PATJ: variants seen among roughly 807,000 people sequenced by gnomAD.
PATJ encodes PATJ crumbs cell polarity complex component, also known as inaD-like protein.
Under a neutral mutation model 224.9 loss-of-function variants are expected in PATJ, and 190 were observed. That is an observed-to-expected ratio of 0.84 (90% confidence interval 0.75 to 0.95). The LOEUF is 0.95. PATJ is among the 40% of genes least tolerant of loss of function. The probability of loss-of-function intolerance (pLI) is 0.00; values close to 1 mark genes in which losing one functional copy is unlikely to be tolerated. For synonymous variants in PATJ, 769 were observed against 820.3 expected (o/e 0.94, Z 1.07); for missense variants, 2,121 against 2,270.3 (o/e 0.93, Z 1.34).
intron 22 of PATJ, among the ~76,000 whole-genome samples, chr1:61,896,479 G>C (rs544090571): frequency 3.7e-4 from 56 of 152,202 alleles, no homozygotes; most frequent in Non-Finnish European, 6.6e-4. Flanking sequence ...CAGGCTTCTA[G>C]GTGGAAAGGA....
intron 43 of PATJ, among the ~76,000 whole-genome samples, chr1:62,159,785 C>T (rs1474328348): frequency 6.6e-6 from 1 of 152,050 alleles, no homozygotes; most frequent in African/African-American, 2.4e-5. Flanking sequence ...CTCAAGCAAT[C>T]CTCTCGCCTG....
At chr1:61,760,424 A>G (rs1171332100) in intron 1 of PATJ, among the ~76,000 whole-genome samples, 1 of 152,206 alleles carries the variant, frequency 6.6e-6, no homozygotes, top group African/African-American at 2.4e-5. Context: ...ATGGTTCATT[A>G]CAAGTGTGTA....
chr1:61,823,039 A>T lies in PATJ; in HGVS notation c.1778A>T (p.Asp593Val), dbSNP rs1218489563. ...ISSIVSGGPV[D>V]TLGLLQPEDE... ...TCAATTGTTTCTGGTGGTCCTGTTG[A>T]TACATTGGGTCTCCTACAGCCAGAA... is the stretch of plus-strand genomic sequence containing the variant. Residue 593 changes from aspartate (D) to valine (V), a missense_variant, in exon 15 of 44, where the codon GAT (aspartate) becomes GTT (valine). Asp to Val is a radical substitution (Grantham distance 152). Transcript: ENST00000642238. The T allele has an allele frequency of 2.5e-6, 4 of 1,614,108 alleles. No homozygotes were observed. The East Asian group carries it at 6.7e-5, about 27-fold the overall frequency.
chr1:61,931,979 TTTTTA>T (rs142306444), intron 27 of PATJ, among the ~76,000 whole-genome samples: 22,789 of 152,126 alleles, frequency 0.15, 2,178 homozygotes, highest in Non-Finnish European at 0.21. Flanking sequence ...AATTTTATTC[TTTTTA>T]TTTTATTCTA....
chr1:62,122,681 C>T (rs200747275), intron 38 of PATJ, among the ~76,000 whole-genome samples: 1 of 151,956 alleles, frequency 6.6e-6, no homozygotes, highest in Non-Finnish European at 1.5e-5. Flanking sequence ...AAAAATTAGC[C>T]GGGCGTGGTG....
At chr1:62,107,786 A>T (rs970058374) in intron 33 of PATJ, among the ~76,000 whole-genome samples, 1 of 152,218 alleles carries the variant, frequency 6.6e-6, no homozygotes, top group Non-Finnish European at 1.5e-5. Context: ...TTCATTAACT[A>T]TGAAACACTT....
chr1:61,770,074 T>C (rs1646514088), intron 5 of PATJ, among the ~76,000 whole-genome samples: 1 of 152,234 alleles, frequency 6.6e-6, no homozygotes, highest in South Asian at 2.1e-4. Flanking sequence ...GTTAGAATAA[T>C]AGCAACAATG....
chr1:61,744,284 CAAAA>C (rs35247131), intron 1 of PATJ, among the ~76,000 whole-genome samples: 8 of 69,680 alleles, frequency 1.1e-4, no homozygotes, highest in Non-Finnish European at 1.3e-4. Flanking sequence ...AACCCTGTCT[CAAAA>C]AAAAAAAAAA....
intron 14 of PATJ, among the ~76,000 whole-genome samples, chr1:61,815,879 T>TG (rs1473562460): frequency 6.6e-6 from 1 of 152,164 alleles, no homozygotes; most frequent in Non-Finnish European, 1.5e-5. Context: ...TAGGGAGACT[T>TG]GCACTTTTAG....
intron 10 of PATJ, among the ~76,000 whole-genome samples, chr1:61,795,921 T>C (rs993965903): frequency 1.3e-5 from 2 of 152,206 alleles, no homozygotes; most frequent in Non-Finnish European, 2.9e-5. Context: ...CTTTCTATCT[T>C]TTTGTAAAAG....
intron 27 of PATJ, among the ~76,000 whole-genome samples, chr1:61,953,440 A>T (rs1271123556): frequency 6.6e-6 from 1 of 152,244 alleles, no homozygotes; most frequent in African/African-American, 2.4e-5. Flanking sequence ...ATTGAGCAAG[A>T]ACTTTTGTTT....
At chr1:61,789,675 G>A (rs955542116) in intron 8 of PATJ, among the ~76,000 whole-genome samples, 5 of 151,950 alleles carry the variant, frequency 3.3e-5, no homozygotes, top group African/African-American at 1.2e-4. Context: ...AGCCAGGATT[G>A]GTGGCACACG....
At chr1:62,157,852 AAAAT>A (rs869308294) in intron 43 of PATJ, among the ~76,000 whole-genome samples, 26,979 of 117,682 alleles carry the variant, frequency 0.23, 3,956 homozygotes, top group Non-Finnish European at 0.34. Context: ...AAAAAAAAAA[AAAAT>A]AATCCAAGCC....
intron 28 of PATJ, among the ~76,000 whole-genome samples, chr1:62,009,331 T>G (rs1646288998): frequency 2.0e-5 from 3 of 152,326 alleles, no homozygotes; most frequent in African/African-American, 7.2e-5. Flanking sequence ...TGTGTGTTTT[T>G]TTGTTTCCCG....
intron 20 of PATJ, among the ~76,000 whole-genome samples, chr1:61,873,828 G>A (rs1382033496): frequency 6.6e-6 from 1 of 152,224 alleles, no homozygotes; most frequent in Admixed American, 6.5e-5. Flanking sequence ...GCACTGGGGG[G>A]AATGGGGTGG....
Position 62,125,931 on chromosome 1 carries a change from A to G in PATJ, c.5044-2041A>G, listed in dbSNP as rs544713077. ...ATTACAGGTGCGTGCCACCACATCC[A>G]GCTAATTTTTTGTATTTTCAGTAGA... On this transcript the variant is annotated intron_variant, in intron 39 of 43. Transcript: ENST00000642238. 3.9e-5 allele frequency among the ~76,000 whole-genome samples: 6 copies of G among 152,232 alleles called. No individual in the cohort carries two copies. In the South Asian group the frequency reaches 1.2e-3, roughly 32 times the overall value.
intron 36 of PATJ, 99 bp downstream of exon 36, chr1:62,116,778 T>C (rs1664489250): frequency 8.9e-7 from 1 of 1,127,992 alleles, no homozygotes; most frequent in South Asian, 1.7e-5. Flanking sequence ...GATTTTATAC[T>C]AACTCTAGTT....
intron 20 of PATJ, among the ~76,000 whole-genome samples, chr1:61,869,109 T>C (rs922890773): frequency 2.7e-5 from 4 of 146,990 alleles, no homozygotes; most frequent in African/African-American, 1.0e-4. Context: ...TTTTTTTTTT[T>C]TTTTTTTTCT....
At chr1:61,997,554 T>C (rs1270422040) in intron 28 of PATJ, among the ~76,000 whole-genome samples, 3 of 152,180 alleles carry the variant, frequency 2.0e-5, no homozygotes, top group Admixed American at 6.6e-5. Flanking sequence ...TGAGCTAACA[T>C]TGAGTACTTA....
Sources: gnomAD v4.1 joint callset for allele counts (sites outside exome capture counted in the v4.1 genomes callset) on GRCh38, gnomAD v4.1.1 for gene constraint, MANE v1.5 for transcripts, NCBI Gene and HGNC (gene_info 2026-07-23, HGNC 2026-07-21) for gene names.